CFAP299: variants seen among roughly 807,000 people sequenced by gnomAD.
CFAP299 encodes cilia and flagella associated protein 299.
CFAP299 carries 21 observed loss-of-function variants against 27.0 expected under a neutral mutation model. That is an observed-to-expected ratio of 0.78 (90% CI 0.55 to 1.12). CFAP299 has a LOEUF of 1.12. Among genes scored for constraint, CFAP299 ranks in the 50% most tolerant of loss-of-function variants. The probability of loss-of-function intolerance (pLI) is 0.00; values close to 1 mark genes in which losing one functional copy is unlikely to be tolerated. For synonymous variants in CFAP299, 104 were observed against 98.1 expected, an observed-to-expected ratio of 1.06 and a Z score of -0.36; for missense variants, 310 against 276.6, an observed-to-expected ratio of 1.12 and a Z score of -0.86.
intron 3 of CFAP299, among the ~76,000 whole-genome samples, chr4:80,684,634 G>A (rs10516646): frequency 0.097 from 14,693 of 152,148 alleles, 1,066 homozygotes; most frequent in East Asian, 0.23. Context: ...GAATCAAAGA[G>A]TCATTATAGT....
At chr4:80,918,952 G>C (rs1245652718) in intron 4 of CFAP299, among the ~76,000 whole-genome samples, 2 of 152,102 alleles carry the variant, frequency 1.3e-5, no homozygotes, top group African/African-American at 4.8e-5. Context: ...GACTGTGATG[G>C]TGGCTGAGAT....
intron 5 of CFAP299, among the ~76,000 whole-genome samples, chr4:80,950,256 C>CG (rs374438101): frequency 6.6e-6 from 1 of 151,458 alleles, no homozygotes; most frequent in African/African-American, 2.4e-5. Flanking sequence ...TCCCTCCACC[C>CG]CCCCCCTTTC....
intron 2 of CFAP299, among the ~76,000 whole-genome samples, chr4:80,531,812 G>T (rs562201486): frequency 7.0e-6 from 1 of 142,260 alleles, no homozygotes; most frequent in South Asian, 2.3e-4. Flanking sequence ...GGAGTGCAAT[G>T]GCACGATCTC....
At chr4:80,694,103 T>C (rs1453474072) in intron 3 of CFAP299, among the ~76,000 whole-genome samples, 2 of 152,204 alleles carry the variant, frequency 1.3e-5, no homozygotes, top group East Asian at 1.9e-4. Flanking sequence ...CAATTTAATA[T>C]TGGAAATACA....
chr4:80,582,756 T>C (rs1326083578), intron 2 of CFAP299, among the ~76,000 whole-genome samples: 2 of 151,806 alleles, frequency 1.3e-5, no homozygotes, highest in African/African-American at 2.4e-5. Flanking sequence ...ACTAAAGTTA[T>C]AGGCAATTTA....
intron 3 of CFAP299, among the ~76,000 whole-genome samples, chr4:80,859,984 T>A (rs963219981): frequency 2.0e-5 from 3 of 152,234 alleles, no homozygotes; most frequent in Non-Finnish European, 4.4e-5. Flanking sequence ...GAAGTTCTCC[T>A]GGATAATATC....
At chr4:80,911,999 C>G (rs1206302732) in intron 4 of CFAP299, among the ~76,000 whole-genome samples, 2 of 151,856 alleles carry the variant, frequency 1.3e-5, no homozygotes, top group Admixed American at 1.3e-4. Flanking sequence ...GGAAAGCTGA[C>G]CTCTGGGCAC....
chr4:80,822,403 G>C (rs1277690489), intron 3 of CFAP299, among the ~76,000 whole-genome samples: 3 of 151,862 alleles, frequency 2.0e-5, no homozygotes, highest in Admixed American at 6.6e-5. Flanking sequence ...ATAGATCAAG[G>C]GTAATATATA....
intron 2 of CFAP299, among the ~76,000 whole-genome samples, chr4:80,493,145 T>C (rs1560592447): frequency 6.6e-6 from 1 of 152,358 alleles, no homozygotes; most frequent in East Asian, 1.9e-4. Context: ...ATAATAGTTA[T>C]AGTTATCCTC....
rs116774553 is a variant in CFAP299 at position 80,565,841 on chromosome 4, G to A, written c.243-17252G>A. Among the ~76,000 whole-genome samples, 535 of 152,216 alleles carry A rather than the reference G, an allele frequency of 3.5e-3. 4 individuals are homozygous for A. Among genetic ancestry groups the A allele is most frequent in the African/African-American group, 0.012 (502 of 41,572 alleles). On this transcript the variant is annotated intron_variant, in intron 2 of 5. Coordinates refer to ENST00000358105, the MANE Select transcript of CFAP299 (RefSeq NM_152770.3). Reference sequence around the variant, plus strand: ...AAACTATATTTGTGATAAAGCAAATGAGTTATGTTGGGGTTTTTGAACCTT... The same window carrying A: ...AAACTATATTTGTGATAAAGCAAATAAGTTATGTTGGGGTTTTTGAACCTT...
rs549287521 is a variant in CFAP299, at chr4:80,776,876, A to G, written c.334-93117A>G. ...TAACAATTTCTACCTCTCTAACCTAAAAAAAAAAAAAACCCTCTGGGACAA... is the reference window on the plus strand; with the variant it reads ...TAACAATTTCTACCTCTCTAACCTAGAAAAAAAAAAAACCCTCTGGGACAA... On this transcript the variant is annotated intron_variant, in intron 3 of 5. Coordinates refer to ENST00000358105, the MANE Select transcript of CFAP299 (RefSeq NM_152770.3). Among the ~76,000 whole-genome samples, 120 of 144,680 alleles carry G rather than the reference A, an allele frequency of 8.3e-4. 4 individuals are homozygous for G. In the South Asian group the frequency reaches 0.026, roughly 31 times the overall value. The allele number at this position is 144,680 out of a possible 152,430, so 94.9% of individuals were successfully genotyped here.
chr4:80,847,530 C>T (rs1578178668), intron 3 of CFAP299, among the ~76,000 whole-genome samples: 1 of 152,276 alleles, frequency 6.6e-6, no homozygotes, highest in African/African-American at 2.4e-5. Context: ...ACCCTACATG[C>T]CATCTATTAG....
chr4:80,566,839 A>G (rs1053912707), intron 2 of CFAP299, among the ~76,000 whole-genome samples: 4 of 152,104 alleles, frequency 2.6e-5, no homozygotes, highest in Non-Finnish European at 5.9e-5. Context: ...AATCGAACAC[A>G]TTCAGACACA....
In CFAP299 at chr4:80,940,209, C is replaced by G. The variant is rs560274669; in HGVS notation, c.477-4601C>G. Among the ~76,000 whole-genome samples, 5 of 152,236 alleles carry G rather than the reference C, an allele frequency of 3.3e-5. No homozygotes were observed. The South Asian group carries it at 1.0e-3, about 32-fold the overall frequency. On this transcript the variant is annotated intron_variant, in intron 4 of 5. Transcript: ENST00000358105. The stretch of plus-strand genomic sequence containing the variant: ...AGGATATATGGCCATATTTTGAGAT[C>G]TTCACAGTGGTTGTTTTGAAGCCTC...
At chr4:80,517,293 C>T (rs1217439146) in intron 2 of CFAP299, among the ~76,000 whole-genome samples, 1 of 152,084 alleles carries the variant, frequency 6.6e-6, no homozygotes, top group Non-Finnish European at 1.5e-5. Context: ...TGTTTTAGAT[C>T]AGAAAGAACT....
At chr4:80,756,149 G>C (rs1560735559) in intron 3 of CFAP299, among the ~76,000 whole-genome samples, 2 of 152,152 alleles carry the variant, frequency 1.3e-5, no homozygotes, top group African/African-American at 4.8e-5. Context: ...AAACTAATTA[G>C]TATAATACTT....
intron 3 of CFAP299, among the ~76,000 whole-genome samples, chr4:80,721,614 CAT>C (rs1390893971): frequency 1.3e-5 from 2 of 152,106 alleles, no homozygotes; most frequent in Non-Finnish European, 2.9e-5. Flanking sequence ...AGGACTTCAA[CAT>C]ATGAATTTTG....
intron 4 of CFAP299, among the ~76,000 whole-genome samples, chr4:80,902,317 A>G (rs1028834895): frequency 2.0e-5 from 3 of 148,190 alleles, no homozygotes; most frequent in Non-Finnish European, 4.5e-5. Flanking sequence ...TTATCCATAT[A>G]TATATGGATT....
chr4:80,912,965 G>A (rs1735554571), intron 4 of CFAP299, among the ~76,000 whole-genome samples: 1 of 152,082 alleles, frequency 6.6e-6, no homozygotes, highest in Non-Finnish European at 1.5e-5. Context: ...CATAACAGAG[G>A]TCTTGGTCCA....
Sources: allele counts gnomAD v4.1 joint callset (sites outside exome capture counted in the v4.1 genomes callset), GRCh38; gene constraint gnomAD v4.1.1; transcripts MANE v1.5; gene names NCBI Gene and HGNC (gene_info 2026-07-23, HGNC 2026-07-21).